XKR6: variants seen among roughly 807,000 people sequenced by gnomAD.
The protein encoded by XKR6 is XK-related protein 6.
XKR6 carries 22 observed loss-of-function variants against 56.7 expected under a neutral mutation model. That is an observed-to-expected ratio of 0.39 (90% CI 0.28 to 0.55). The LOEUF (loss-of-function observed/expected upper bound fraction) is 0.55. Ranked by LOEUF, XKR6 falls within the 20% of genes least tolerant of loss-of-function variation. The pLI is 0.66. For missense variants in XKR6, 852 were observed against 889.0 expected (o/e 0.96, Z 0.53); for synonymous variants, 524 against 387.8 (o/e 1.35, Z -4.13).
chr8:11,105,022 C>G (rs1446631572), intron 1 of XKR6: 1 of 152,158 alleles, frequency 6.6e-6, no homozygotes, highest in Non-Finnish European at 1.5e-5. Context: ...CAATGTCTCC[C>G]ATCACACAGC....
At chr8:11,160,915 A>AAAAAAAAAAAAG in intron 1 of XKR6, among the ~76,000 whole-genome samples, 1 of 150,446 alleles carries the variant, frequency 6.6e-6, no homozygotes, top group Non-Finnish European at 1.5e-5. Context: ...CCGTCTCAAA[A>AAAAAAAAAAAAG]AAAAAAAAAA....
intron 1 of XKR6, among the ~76,000 whole-genome samples, chr8:10,956,623 A>G (rs73196860): frequency 0.37 from 55,745 of 152,090 alleles, 10,689 homozygotes; most frequent in African/African-American, 0.4. Context: ...TACAGCCCTC[A>G]TGGGGCTTTC....
chr8:11,084,052 GTC>G (rs1379452695), intron 1 of XKR6, among the ~76,000 whole-genome samples: 1 of 152,226 alleles, frequency 6.6e-6, no homozygotes, highest in Non-Finnish European at 1.5e-5. Context: ...CCAGCCCTGT[GTC>G]TGCCCCATCC....
At chr8:11,152,607 C>T (rs756051708) in intron 1 of XKR6, among the ~76,000 whole-genome samples, 2 of 152,114 alleles carry the variant, frequency 1.3e-5, no homozygotes, top group Non-Finnish European at 2.9e-5. Context: ...AAATTTTGAA[C>T]AAAGATTCTC....
In XKR6 at chr8:10,969,240, C is replaced by T. The variant is rs552872739; in HGVS notation, c.765-44410G>A. The stretch of plus-strand genomic sequence containing the variant: ...ACTTTGAGAAACTCCAACTTAGATG[C>T]ATGGTTCCTGAAACTCTCCACCACA... On this transcript the variant is annotated intron_variant, in intron 1 of 2. Transcript: ENST00000416569. Among the ~76,000 whole-genome samples the T allele has an allele frequency of 1.2e-3, 185 of 152,280 alleles. 1 individual carries two copies. The highest frequency in any genetic ancestry group is 4.2e-3 in the African/African-American group (176 of 41,538).
At chr8:10,907,146 G>T (rs1435857164) in intron 2 of XKR6, among the ~76,000 whole-genome samples, 2 of 152,164 alleles carry the variant, frequency 1.3e-5, no homozygotes, top group African/African-American at 4.8e-5. Context: ...ATGTGGCCGA[G>T]GAGATCAGGA....
chr8:11,094,858 T>C (rs1355341842), intron 1 of XKR6, among the ~76,000 whole-genome samples: 2 of 152,174 alleles, frequency 1.3e-5, no homozygotes, highest in Non-Finnish European at 2.9e-5. Context: ...GACTGCTGCT[T>C]CTTTAAAACA....
intron 1 of XKR6, among the ~76,000 whole-genome samples, chr8:11,112,317 A>C (rs1383156045): frequency 6.6e-6 from 1 of 152,214 alleles, no homozygotes; most frequent in Non-Finnish European, 1.5e-5. Flanking sequence ...TAGCGGTTAC[A>C]GTCTTTGTGC....
chr8:10,972,492 A>T (rs1802437269), intron 1 of XKR6, among the ~76,000 whole-genome samples: 1 of 152,226 alleles, frequency 6.6e-6, no homozygotes. Flanking sequence ...TGAAGAATGG[A>T]TGGCTGAGCA....
chr8:11,079,364 G>C (rs776585188), intron 1 of XKR6, among the ~76,000 whole-genome samples: 26 of 152,206 alleles, frequency 1.7e-4, no homozygotes, highest in Non-Finnish European at 2.2e-4. Flanking sequence ...TAAAAATAAA[G>C]AAGCAGAATT....
At chr8:11,025,399 A>C (rs1798838107) in intron 1 of XKR6, among the ~76,000 whole-genome samples, 1 of 152,208 alleles carries the variant, frequency 6.6e-6, no homozygotes, top group Non-Finnish European at 1.5e-5. Flanking sequence ...CTATTCAAAA[A>C]ATACCTATTG....
chr8:10,930,626 A>G (rs1337526972), intron 1 of XKR6, among the ~76,000 whole-genome samples: 1 of 152,252 alleles, frequency 6.6e-6, no homozygotes, highest in Non-Finnish European at 1.5e-5. Flanking sequence ...TATCCTGGGA[A>G]TGAAAGGCTG....
chr8:11,181,217 TTCA>T (rs1246294203), intron 1 of XKR6, among the ~76,000 whole-genome samples: 3 of 152,232 alleles, frequency 2.0e-5, no homozygotes, highest in African/African-American at 7.2e-5. Flanking sequence ...CAATATTTTC[TTCA>T]TCAACTGAAG....
At chr8:10,923,384 C>G (rs760243058) in intron 2 of XKR6, among the ~76,000 whole-genome samples, 2 of 152,134 alleles carry the variant, frequency 1.3e-5, no homozygotes, top group Non-Finnish European at 2.9e-5. Flanking sequence ...TGTTCTGGTT[C>G]AGTAGATGGG....
At chr8:11,066,234 C>A (rs1799974807) in intron 1 of XKR6, among the ~76,000 whole-genome samples, 1 of 152,232 alleles carries the variant, frequency 6.6e-6, no homozygotes, top group South Asian at 2.1e-4. Context: ...CTTCTCACCC[C>A]CTCTCTCCTG....
At chr8:10,977,465 C>T (rs1338555183) in intron 1 of XKR6, among the ~76,000 whole-genome samples, 4 of 151,704 alleles carry the variant, frequency 2.6e-5, no homozygotes, top group African/African-American at 7.3e-5. Context: ...AGTAAGTCCC[C>T]CGCCACTGGA....
At chr8:11,016,498 G>A (rs1469909974) in intron 1 of XKR6, among the ~76,000 whole-genome samples, 2 of 152,210 alleles carry the variant, frequency 1.3e-5, no homozygotes, top group East Asian at 1.9e-4. Flanking sequence ...CTGCTTCAAA[G>A]CGGGTAGCGC....
At chr8:11,094,620 A>C (rs1334044869) in intron 1 of XKR6, among the ~76,000 whole-genome samples, 1 of 152,168 alleles carries the variant, frequency 6.6e-6, no homozygotes, top group African/African-American at 2.4e-5. Flanking sequence ...CATCCACTGC[A>C]GTGCACAGAC....
chr8:11,100,172 C>G (rs905456522), intron 1 of XKR6, among the ~76,000 whole-genome samples: 1 of 152,292 alleles, frequency 6.6e-6, no homozygotes, highest in East Asian at 1.9e-4. Context: ...TCCACTTCAG[C>G]CTCCCAAGTA....
Sources: gnomAD v4.1 joint callset for allele counts (sites outside exome capture counted in the v4.1 genomes callset) on GRCh38, gnomAD v4.1.1 for gene constraint, MANE v1.5 for transcripts, NCBI Gene and HGNC (gene_info 2026-07-23, HGNC 2026-07-21) for gene names.